Variants in RNLS observed in about 807,000 individuals in gnomAD.
RNLS encodes renalase.
A neutral mutation model predicts 39.8 loss-of-function variants in RNLS; 39 were observed. The observed-to-expected ratio is 0.98, with a 90% CI of 0.76 to 1.28. The LOEUF (loss-of-function observed/expected upper bound fraction) is 1.28. RNLS is among the 50% of genes most tolerant of loss of function. The probability of loss-of-function intolerance (pLI) is 0.00; values close to 1 mark genes in which losing one functional copy is unlikely to be tolerated. For synonymous variants in RNLS, 147 were observed against 150.7 expected (o/e 0.98, Z 0.18); for missense variants, 410 against 413.3 (o/e 0.99, Z 0.07).
intron 4 of RNLS, among the ~76,000 whole-genome samples, chr10:88,506,460 G>C (rs978288736): frequency 6.6e-6 from 1 of 151,850 alleles, no homozygotes; most frequent in Admixed American, 6.6e-5. Context: ...GCATGCTGAA[G>C]TACTAAGGAA....
chr10:88,548,027 T>C (rs1039109849), intron 4 of RNLS, among the ~76,000 whole-genome samples: 10 of 151,734 alleles, frequency 6.6e-5, no homozygotes, highest in Admixed American at 4.6e-4. Flanking sequence ...TTTGGGAGGC[T>C]GAGGCGGGGA....
At chr10:88,352,208 T>C (rs2133296053) in intron 5 of RNLS, among the ~76,000 whole-genome samples, 1 of 152,294 alleles carries the variant, frequency 6.6e-6, no homozygotes, top group African/African-American at 2.4e-5. Context: ...TCCTGCCTGA[T>C]TGCCCTGGCC....
At chr10:88,391,514 C>T (rs1564760477) in intron 4 of RNLS, among the ~76,000 whole-genome samples, 1 of 152,036 alleles carries the variant, frequency 6.6e-6, no homozygotes, top group Non-Finnish European at 1.5e-5. Context: ...GCCAAGGTCG[C>T]GCCACTGCAC....
intron 4 of RNLS, among the ~76,000 whole-genome samples, chr10:88,466,225 A>G (rs1843197575): frequency 6.6e-6 from 1 of 152,118 alleles, no homozygotes; most frequent in African/African-American, 2.4e-5. Flanking sequence ...TCCTTTCTGA[A>G]TATGGGGAGA....
At chr10:88,382,363 A>C (rs1851588541) in intron 4 of RNLS, among the ~76,000 whole-genome samples, 1 of 152,150 alleles carries the variant, frequency 6.6e-6, no homozygotes, top group Non-Finnish European at 1.5e-5. Flanking sequence ...TCTAGGTTAA[A>C]CACTCATCAC....
At chr10:88,564,387 G>T (rs1358276688) in intron 4 of RNLS, among the ~76,000 whole-genome samples, 2 of 151,910 alleles carry the variant, frequency 1.3e-5, no homozygotes, top group Non-Finnish European at 2.9e-5. Flanking sequence ...TCTTTCTCTT[G>T]CAGGATCTTA....
Position 88,284,744 on chromosome 10 carries a change from T to C in RNLS, c.*610A>G, listed in dbSNP as rs1843153406. On this transcript the variant is annotated 3_prime_UTR_variant, in exon 7 of 7. Transcript: ENST00000331772. ...GTGGCTGGGAAAATCATGTGGAATC[T>C]TATACTTTCTGAAAATCTGAAGGAA... 1.0e-6 allele frequency: 1 copy of C among 985,392 alleles called. No individual in the cohort carries two copies. The highest frequency in any genetic ancestry group is 1.2e-6 in the Non-Finnish European group (1 of 829,920). The allele number at this position is 985,392 out of a possible 1,614,324, so 61.0% of individuals were successfully genotyped here. A position where few individuals can be genotyped will look rare whatever the true frequency, so the allele number is the denominator to read the frequency against.
chr10:88,515,544 T>A (rs536683382), intron 4 of RNLS, among the ~76,000 whole-genome samples: 1 of 152,232 alleles, frequency 6.6e-6, no homozygotes, highest in East Asian at 1.9e-4. Context: ...CTGGTTTCAA[T>A]GGCCTTGCCC....
At chr10:88,300,491 T>C (rs1045669883) in intron 6 of RNLS, among the ~76,000 whole-genome samples, 14 of 152,212 alleles carry the variant, frequency 9.2e-5, no homozygotes, top group African/African-American at 3.4e-4. Flanking sequence ...CCAACATCAC[T>C]AACTTTACCT....
At chr10:88,443,416 T>A (rs1841840056) in intron 4 of RNLS, among the ~76,000 whole-genome samples, 1 of 152,178 alleles carries the variant, frequency 6.6e-6, no homozygotes, top group Admixed American at 6.5e-5. Context: ...GATTTCTGCA[T>A]TTCCAACTGA....
At chr10:88,357,786 C>T (rs1362054941) in intron 5 of RNLS, among the ~76,000 whole-genome samples, 3 of 152,190 alleles carry the variant, frequency 2.0e-5, no homozygotes, top group Non-Finnish European at 2.9e-5. Context: ...CTCTGGCTCT[C>T]CTCCATCCTC....
At chr10:88,185,004 A>G in the RNLS span, among the ~76,000 whole-genome samples, 2 of 152,138 alleles carry the variant, frequency 1.3e-5, no homozygotes, top group African/African-American at 4.8e-5. Flanking sequence ...GAGATAAAGG[A>G]AGAACTGGAT....
chr10:88,413,342 C>T (rs1853809840), intron 4 of RNLS, among the ~76,000 whole-genome samples: 1 of 152,188 alleles, frequency 6.6e-6, no homozygotes, highest in African/African-American at 2.4e-5. Context: ...CCCAACATTA[C>T]CTGACATGCA....
At position 88,457,295 on chromosome 10, in the gene RNLS, G is replaced by A. The variant is rs548507099; in HGVS notation, c.527-94570C>T. ...AACATATAATGGTTGTTTTTGTAAA[G>A]AGTTTGGGGATATGTGTGGCTAAAG... is the stretch of plus-strand genomic sequence containing the variant. On this transcript the variant is annotated intron_variant, in intron 4 of 6. Coordinates refer to ENST00000331772, the MANE Select transcript of RNLS (RefSeq NM_001031709.3). Among the ~76,000 whole-genome samples the A allele has an allele frequency of 2.6e-5, 4 of 152,298 alleles. No individual in the cohort carries two copies. The South Asian group carries it at 8.3e-4, about 32-fold the overall frequency.
At chr10:88,210,114 A>G in the RNLS span, among the ~76,000 whole-genome samples, 3 of 152,230 alleles carry the variant, frequency 2.0e-5, no homozygotes, top group Non-Finnish European at 4.4e-5. Flanking sequence ...AAGTGCTAGT[A>G]TTTTTGTTTA....
intron 4 of RNLS, among the ~76,000 whole-genome samples, chr10:88,548,511 C>T (rs1015532160): frequency 8.2e-5 from 12 of 146,756 alleles, no homozygotes; most frequent in African/African-American, 2.7e-4. Flanking sequence ...TGGTGGTGGG[C>T]GCCTGTAATC....
chr10:88,191,628 C>A, the RNLS span, among the ~76,000 whole-genome samples: 2 of 152,184 alleles, frequency 1.3e-5, no homozygotes, highest in Admixed American at 1.3e-4. Flanking sequence ...GAGCTATGCT[C>A]CTGGGGAGCC....
Position 88,543,828 on chromosome 10 carries a change from C to T in RNLS, c.526+29075G>A, listed in dbSNP as rs74147216. Among the ~76,000 whole-genome samples, 590 of 152,198 alleles carry T rather than the reference C, an allele frequency of 3.9e-3. 5 individuals carry two copies. The highest frequency in any genetic ancestry group is 0.013 in the African/African-American group (531 of 41,524). ...TAAAATAGGTCTTGAGATTTGAATC[C>T]TCAAATAAAATATATATTATTTGCT... On this transcript the variant is annotated intron_variant, in intron 4 of 6. Coordinates refer to ENST00000331772, the MANE Select transcript of RNLS (RefSeq NM_001031709.3).
intron 6 of RNLS, among the ~76,000 whole-genome samples, chr10:88,293,368 A>G (rs1843820874): frequency 6.6e-6 from 1 of 152,200 alleles, no homozygotes; most frequent in South Asian, 2.1e-4. Context: ...GCCATGGTAC[A>G]TAAACAGCAG....
Sources: allele counts gnomAD v4.1 joint callset (sites outside exome capture counted in the v4.1 genomes callset), GRCh38; gene constraint gnomAD v4.1.1; transcripts MANE v1.5; gene names NCBI Gene and HGNC (gene_info 2026-07-23, HGNC 2026-07-21).